The following COL20A1 variants were observed in gnomAD, a reference collection of about 807,000 sequenced individuals.
COL20A1 encodes collagen type XX alpha 1 chain.
A neutral mutation model predicts 152.9 loss-of-function variants in COL20A1; 164 were observed. That is an observed-to-expected ratio of 1.07 (90% CI 0.94 to 1.22). The LOEUF (loss-of-function observed/expected upper bound fraction) is 1.22. COL20A1 is among the 50% of genes most tolerant of loss of function. The pLI is 0.00. For missense variants in COL20A1, 1,873 were observed against 1,744.8 expected (o/e 1.07, Z -1.31); for synonymous variants, 864 against 756.0 (o/e 1.14, Z -2.34).
At position 63,326,761 on chromosome 20, in the gene COL20A1, G is replaced by A. The variant is rs1484078634; in HGVS notation, c.3466G>A (p.Gly1156Ser). 8 of 1,473,712 alleles carry A rather than the reference G, an allele frequency of 5.4e-6. No individual in the cohort carries two copies. The East Asian group carries it at 1.7e-4, about 31-fold the overall frequency. 91.3% of individuals were successfully genotyped at this position (1,473,712 alleles called of 1,614,324 possible). A position where few individuals can be genotyped will look rare whatever the true frequency, so the allele number is the denominator to read the frequency against. ...TTCTGTGTCTATGCAGGGGTTCCAG[G>A]GCATGGCAGGGGCCAGGGGCACTAG... Reference protein sequence around the residue: ...PGPPGPRGFQGMAGARGTSGE... With the variant: ...PGPPGPRGFQSMAGARGTSGE... The change falls in exon 31 of 36, where the codon GGC (glycine) becomes AGC (serine). Residue 1156 changes from glycine (G) to serine (S), a missense_variant. Physicochemically the swap from Gly to Ser is moderately conservative, Grantham distance 56 (BLOSUM62 0). Coordinates refer to ENST00000358894, the MANE Select transcript of COL20A1 (RefSeq NM_020882.4).
At chr20:63,327,662 C>G (rs2068271700) in intron 31 of COL20A1, 1 of 494,742 alleles carries the variant, frequency 2.0e-6, no homozygotes, top group South Asian at 2.2e-5. Context: ...TGTCCCACAC[C>G]CGCCATCTCC....
At position 63,313,725 on chromosome 20, in the gene COL20A1, A is replaced by G. The variant is rs762325142; in HGVS notation, c.2210-18A>G. The G allele has an allele frequency of 6.4e-6, 10 of 1,564,310 alleles. No homozygotes were observed. The highest frequency in any genetic ancestry group is 1.9e-5 in the Admixed American group (1 of 52,196). ...TCTGGAGGGGCCTGAGCCCCACACA[A>G]CCCATGCTCTCGGCCAGCCACGGTG... On this transcript the variant is annotated intron_variant, in intron 17 of 35. Transcript: ENST00000358894. The surrounding 1 kb of genome is among the most constrained non-coding windows in gnomAD (Gnocchi z 5.9).
At chr20:63,317,197 G>A (rs6089879) in intron 21 of COL20A1, among the ~76,000 whole-genome samples, 9,104 of 152,220 alleles carry the variant, frequency 0.06, 370 homozygotes, top group Non-Finnish European at 0.093. Context: ...TGATAAAGGC[G>A]GAAGCCAGGT....
At chr20:63,318,973 C>A in intron 21 of COL20A1, 85 bp from the exon 22 acceptor site, 2 of 1,076,054 alleles carry the variant, frequency 1.9e-6, no homozygotes, top group Non-Finnish European at 2.8e-6. Flanking sequence ...GGCACTGGGG[C>A]TGGGGCTGGG....
At position 63,313,159 on chromosome 20, in the gene COL20A1, C is replaced by T. The variant is rs745409661; in HGVS notation, c.2119C>T (p.Leu707=). The part of the protein sequence containing the change: ...GNLGTAVLPG[L]GRHTEYDVTI... Reference sequence around the variant, plus strand: ...CCTCGGCACGGCCGTCCTGCCTGGCCTAGGGAGGCACACAGAGTACGACGT... The same window carrying T: ...CCTCGGCACGGCCGTCCTGCCTGGCTTAGGGAGGCACACAGAGTACGACGT... Residue 707 remains leucine, a synonymous_variant, in exon 17 of 36, where the codon CTA becomes TTA. Coordinates refer to ENST00000358894, the MANE Select transcript of COL20A1 (RefSeq NM_020882.4). This position sits in a 1 kb window ranked among gnomAD's most constrained non-coding sequence, Gnocchi z 5.9. 2 of 1,612,220 alleles carry T rather than the reference C, an allele frequency of 1.2e-6. No homozygotes were observed. The highest frequency in any genetic ancestry group is 8.5e-7 in the Non-Finnish European group (1 of 1,179,652).
In COL20A1 at chr20:63,311,973, G is replaced by A. The variant is rs73329169; in HGVS notation, c.1721G>A (p.Arg574Gln). ...TCAGACGTGAGCCACGACGCGGCAC[G>A]AGTGTTCTGGGAGGGTGCCCCGAGG... The part of the protein sequence containing the change: ...GFSDVSHDAA[R>Q]VFWEGAPRPV... Residue 574 changes from arginine (R) to glutamine (Q), a missense_variant, in exon 14 of 36, where the codon CGA becomes CAA. Coordinates refer to ENST00000358894, the MANE Select transcript of COL20A1 (RefSeq NM_020882.4). This position sits in a 1 kb window ranked among gnomAD's most constrained non-coding sequence, Gnocchi z 4.4. 1,900 of 1,601,190 alleles carry A rather than the reference G, an allele frequency of 1.2e-3. 13 individuals carry two copies. The African/African-American group carries it at 0.018, about 15-fold the overall frequency.
chr20:63,303,987 G>A (rs541835850), intron 3 of COL20A1, among the ~76,000 whole-genome samples: 7 of 144,936 alleles, frequency 4.8e-5, no homozygotes, highest in Admixed American at 2.7e-4. Flanking sequence ...CTGCAGGTGC[G>A]CAGGTGTGGG....
rs779726038 is a variant in COL20A1 at position 63,309,379 on chromosome 20, G to A, written c.987G>A (p.Pro329=). The change falls in exon 9 of 36, where the codon CCG becomes CCA. Residue 329 remains proline, a synonymous_variant. Transcript: ENST00000358894. ...DEAELRLLAS[P]PRDITVHSVL... is the part of the protein sequence containing the mutation. ...CTGAGCTGAGGCTCCTGGCGTCCCCGCCGAGGGACATCACCGTCCACAGCG... is the reference window on the plus strand; with the variant it reads ...CTGAGCTGAGGCTCCTGGCGTCCCCACCGAGGGACATCACCGTCCACAGCG... 1.5e-5 allele frequency: 23 copies of A among 1,547,440 alleles called. No homozygotes were observed. Among genetic ancestry groups the A allele is most frequent in the South Asian group, 4.8e-5 (4 of 83,964 alleles).
chr20:63,302,996 TG>T (rs542312610), intron 3 of COL20A1, among the ~76,000 whole-genome samples: 54 of 152,340 alleles, frequency 3.5e-4, no homozygotes, highest in African/African-American at 1.3e-3. Context: ...TAATGTCTGG[TG>T]TGTCTTGTGA....
At chr20:63,330,587 G>A (rs939773370) in intron 35 of COL20A1, 133 bp from the exon 36 acceptor site, 6 of 152,298 alleles carry the variant, frequency 3.9e-5, no homozygotes, top group African/African-American at 1.4e-4. Context: ...GCCCACTCAC[G>A]GCCCTGCTGG....
At chr20:63,304,710 G>C (rs1401481446) in intron 3 of COL20A1, among the ~76,000 whole-genome samples, 2 of 151,056 alleles carry the variant, frequency 1.3e-5, no homozygotes, top group African/African-American at 4.9e-5. Flanking sequence ...CAGGTGCGCA[G>C]GTGTGGGTTC....
intron 8 of COL20A1, 52 bp from the exon 9 acceptor site, chr20:63,309,281 C>T (rs1216261776): frequency 1.5e-6 from 2 of 1,358,618 alleles, no homozygotes; most frequent in Non-Finnish European, 1.9e-6. Context: ...CGCAGGTGGC[C>T]CCGTCGGGTG....
intron 29 of COL20A1, 33 bp from the exon 30 acceptor site, chr20:63,326,062 AC>A: frequency 6.2e-7 from 1 of 1,600,962 alleles, no homozygotes; most frequent in South Asian, 1.1e-5. Flanking sequence ...ACAGGTACAA[AC>A]CCCACCCAGC....
At position 63,312,476 on chromosome 20, in the gene COL20A1, C is replaced by A; in HGVS notation, c.1860C>A (p.Thr620=). 1 of 1,608,974 alleles carries A rather than the reference C, an allele frequency of 6.2e-7. No individual in the cohort carries two copies. Among genetic ancestry groups the A allele is most frequent in the Non-Finnish European group, 8.5e-7 (1 of 1,178,850 alleles). The change falls in exon 15 of 36, where the codon ACC becomes ACA. Residue 620 remains threonine (T), a synonymous_variant. Coordinates refer to ENST00000358894, the MANE Select transcript of COL20A1 (RefSeq NM_020882.4). ...SATLGPLSSS[T]TYTVRVTCLY... ...CGCTGGGGCCTCTCTCTTCCTCCAC[C>A]ACCTACACTGTCCGTGTCACCTGCC...
At position 63,316,493 on chromosome 20, in the gene COL20A1, C is replaced by T. The variant is rs2068085872; in HGVS notation, c.2525-60C>T. ...CTTGAGTCCCCGCTCCTGCCCCTTC[C>T]TCCCTCCCCTGCCATCTCTGAGGGT... On this transcript the variant is annotated intron_variant, in intron 20 of 35. Coordinates refer to ENST00000358894, the MANE Select transcript of COL20A1 (RefSeq NM_020882.4). The T allele has an allele frequency of 3.4e-6, 5 of 1,489,908 alleles. No homozygotes were observed. In the South Asian group the frequency reaches 6.2e-5, roughly 19 times the overall value. 92.3% of individuals were successfully genotyped at this position (1,489,908 alleles called of 1,614,324 possible).
chr20:63,325,815 G>C lies in COL20A1; in HGVS notation c.3402+94G>C, dbSNP rs959311390. 3.4e-6 allele frequency: 4 copies of C among 1,168,326 alleles called. No individual in the cohort carries two copies. In the African/African-American group the frequency reaches 6.1e-5, roughly 18 times the overall value. The allele number at this position is 1,168,326 out of a possible 1,614,324, so 72.4% of individuals were successfully genotyped here. A position where few individuals can be genotyped will look rare whatever the true frequency, so the allele number is the denominator to read the frequency against. On this transcript the variant is annotated intron_variant, in intron 29 of 35. Coordinates refer to ENST00000358894, the MANE Select transcript of COL20A1 (RefSeq NM_020882.4). ...AGATGGAGGCTGTGGGGTAGGGAGG[G>C]GGAGGTGCTTTCTCCTGGGCTCCTG...
At chr20:63,309,993 G>T in intron 10 of COL20A1, 78 bp downstream of exon 10, 1 of 1,301,686 alleles carries the variant, frequency 7.7e-7, no homozygotes, top group South Asian at 1.5e-5. Flanking sequence ...GGGAGGGCAG[G>T]AATAAAGGCC....
Position 63,312,451 on chromosome 20 carries a change from C to T in COL20A1, c.1835C>T (p.Thr612Met), listed in dbSNP as rs6011729. Residue 612 changes from threonine to methionine, a missense_variant, in exon 15 of 36, where the codon ACG (threonine) becomes ATG (methionine). Transcript: ENST00000358894. Reference protein sequence around the residue: ...TEAPGNATSATLGPLSSSTTY... With the variant: ...TEAPGNATSAMLGPLSSSTTY... The stretch of plus-strand genomic sequence containing the variant: ...GCTCCTGGGAACGCCACCTCGGCCA[C>T]GCTGGGGCCTCTCTCTTCCTCCACC... The T allele has an allele frequency of 0.05, 80,111 of 1,604,738 alleles. 2,263 individuals carry two copies. The highest frequency in any genetic ancestry group is 0.097 in the African/African-American group (7,231 of 74,754).
chr20:63,295,033 C>T (rs1435717126), intron 1 of COL20A1, 65 bp from the exon 2 acceptor site: 6 of 1,022,826 alleles, frequency 5.9e-6, no homozygotes, highest in Middle Eastern at 2.1e-4. Flanking sequence ...GAAGCTCTGG[C>T]GTTGTGGTCA....
Sources: allele counts gnomAD v4.1 joint callset (sites outside exome capture counted in the v4.1 genomes callset), GRCh38; gene constraint gnomAD v4.1.1; non-coding constraint Gnocchi (gnomAD v3.1); transcripts MANE v1.5; gene names NCBI Gene and HGNC (gene_info 2026-07-23, HGNC 2026-07-21).